The following DNAH8 variants were observed in gnomAD, a reference collection of about 807,000 sequenced individuals.
DNAH8 encodes axonemal beta dynein heavy chain 8.
Under a neutral mutation model 562.1 loss-of-function variants are expected in DNAH8, and 382 were observed. That is an observed-to-expected ratio of 0.68 (90% CI 0.63 to 0.74). DNAH8 has a LOEUF of 0.74. Ranked by LOEUF, DNAH8 falls within the 30% of genes least tolerant of loss-of-function variation. The probability of loss-of-function intolerance (pLI) is 0.00; values close to 1 mark genes in which losing one functional copy is unlikely to be tolerated. For missense variants in DNAH8, 5,203 were observed against 5,620.4 expected (o/e 0.93, Z 2.37); for synonymous variants, 1,881 against 1,919.4 (o/e 0.98, Z 0.52).
chr6:38,759,310 A>AAAACAAACAAAC (rs77729842), intron 10 of DNAH8, among the ~76,000 whole-genome samples: 6 of 151,038 alleles, frequency 4.0e-5, no homozygotes, highest in African/African-American at 1.5e-4. Context: ...CCTGTCTCAA[A>AAAACAAACAAAC]AAACAAACAA....
chr6:38,907,915 A>G (rs1405174871), intron 63 of DNAH8, 41 bp from the exon 64 acceptor site: 1 of 1,439,586 alleles, frequency 6.9e-7, no homozygotes, highest in Non-Finnish European at 9.2e-7. Context: ...ACTGTGGAGA[A>G]CTCTTAAAAC....
At position 39,012,225 on chromosome 6, in the gene DNAH8, G is replaced by T. The variant is rs148106120; in HGVS notation, c.13382G>T (p.Arg4461Leu). The T allele has an allele frequency of 6.2e-7, 1 of 1,604,164 alleles. No individual in the cohort carries two copies. Among genetic ancestry groups the T allele is most frequent in the East Asian group, 2.2e-5 (1 of 44,734 alleles). The change falls in exon 90 of 93, where the codon CGT becomes CTT. Residue 4461 changes from arginine to leucine, a missense_variant. Around this residue, in one of 6 missense-constraint regions of DNAH8, gnomAD observed 1,399 missense variants for 1,518.4 expected, o/e 0.92. Coordinates refer to ENST00000327475, the MANE Select transcript of DNAH8 (RefSeq NM_001206927.2). ...PDYIPHEVKS[R>L]LIKMGHLNSM... ...TTTACTTTGTTTTAGGTGAAATCTC[G>T]TTTGATAAAGATGGGCCATCTTAAT...
intron 64 of DNAH8, among the ~76,000 whole-genome samples, chr6:38,909,101 A>C (rs1042734646): frequency 6.6e-6 from 1 of 152,166 alleles, no homozygotes; most frequent in Non-Finnish European, 1.5e-5. Flanking sequence ...CAAGGAACTC[A>C]ATCCCTCTTC....
At position 38,982,353 on chromosome 6, in the gene DNAH8, G is replaced by A. The variant is rs1327466194; in HGVS notation, c.12842G>A (p.Arg4281Gln). 18 of 1,579,292 alleles carry A rather than the reference G, an allele frequency of 1.1e-5. No individual in the cohort carries two copies. The highest frequency in any genetic ancestry group is 2.7e-5 in the African/African-American group (2 of 74,252). ...TTCTTTGGTGTTTTTAAGGAGCGAC[G>A]AAAATTTGGCCCCTTAGGATGGAAT... The part of the protein sequence containing the change: ...AFLHSTVQER[R>Q]KFGPLGWNIP... Residue 4281 changes from arginine (R) to glutamine (Q), a missense_variant, in exon 86 of 93, where the codon CGA (arginine) becomes CAA (glutamine). Arg to Gln is a conservative substitution (Grantham distance 43). Around this residue, in one of 6 missense-constraint regions of DNAH8, gnomAD observed 1,399 missense variants for 1,518.4 expected, o/e 0.92. Coordinates refer to ENST00000327475, the MANE Select transcript of DNAH8 (RefSeq NM_001206927.2).
intron 91 of DNAH8, among the ~76,000 whole-genome samples, chr6:39,016,322 C>T (rs1329419131): frequency 6.6e-5 from 10 of 151,976 alleles, no homozygotes; most frequent in South Asian, 4.1e-4. Flanking sequence ...GAGGCCGAGG[C>T]GGGCGGATCA....
At chr6:38,900,391 A>G (rs906208510) in intron 62 of DNAH8, among the ~76,000 whole-genome samples, 2 of 152,188 alleles carry the variant, frequency 1.3e-5, no homozygotes, top group African/African-American at 4.8e-5. Flanking sequence ...CTCTTGATAA[A>G]CATTTGGTTT....
chr6:39,000,797 T>G (rs1299333355), intron 88 of DNAH8, among the ~76,000 whole-genome samples: 2 of 152,148 alleles, frequency 1.3e-5, no homozygotes. Flanking sequence ...CCGCCTCCCC[T>G]CCAGTCTATG....
intron 87 of DNAH8, among the ~76,000 whole-genome samples, chr6:38,986,885 G>A (rs1764434900): frequency 6.6e-6 from 1 of 152,228 alleles, no homozygotes; most frequent in Non-Finnish European, 1.5e-5. Context: ...TATAACATTT[G>A]AGATGTCTAT....
chr6:38,805,179 A>T (rs370881747), intron 22 of DNAH8, among the ~76,000 whole-genome samples: 8 of 152,244 alleles, frequency 5.3e-5, no homozygotes, highest in Admixed American at 2.0e-4. Context: ...TGGAAAACTC[A>T]AAAGATAGAC....
rs759325051 is a variant in DNAH8, at chr6:38,791,564, T to G, written c.2791T>G (p.Leu931Val). 1 of 1,610,294 alleles carries G rather than the reference T, an allele frequency of 6.2e-7. No homozygotes were observed. Reference protein sequence around the residue: ...FNQLLKKISDLCEMHIDTVLK... With the variant: ...FNQLLKKISDVCEMHIDTVLK... Reference sequence around the variant, plus strand: ...TTTTTCTTCCTTGTAGATCAGTGACTTGTGTGAAATGCATATTGATACAGT... The same window carrying G: ...TTTTTCTTCCTTGTAGATCAGTGACGTGTGTGAAATGCATATTGATACAGT... Residue 931 changes from leucine to valine, a missense_variant, in exon 21 of 93, where the codon TTG (leucine) becomes GTG (valine). Coordinates refer to ENST00000327475, the MANE Select transcript of DNAH8 (RefSeq NM_001206927.2).
chr6:38,822,855 A>C lies in DNAH8; in HGVS notation c.3541A>C (p.Ile1181Leu). The C allele has an allele frequency of 6.3e-7, 1 of 1,597,150 alleles. No homozygotes were observed. Among genetic ancestry groups the C allele is most frequent in the South Asian group, 1.1e-5 (1 of 87,180 alleles). The change falls in exon 27 of 93, where the codon ATT (isoleucine) becomes CTT (leucine). Residue 1181 changes from isoleucine (I) to leucine (L), a missense_variant. This residue lies in a region of DNAH8 where 2,176 missense variants were observed against 2,365.1 expected (regional missense o/e 0.92). Transcript: ENST00000327475. ...GTTTTCAGGATCTTTTGAAGAAGCT[A>C]TTCCTGCGAGGAAGCTGAAGAATTT... ...KKEERSFEEA[I>L]PARKLKNFYP...
chr6:38,932,046 G>T, intron 76 of DNAH8, 53 bp downstream of exon 76: 1 of 1,303,704 alleles, frequency 7.7e-7, no homozygotes, highest in Non-Finnish European at 1.0e-6. Context: ...TGCTTAAAAT[G>T]TATTGAGAAA....
At chr6:38,955,314 G>A (rs1014388931) in intron 82 of DNAH8, among the ~76,000 whole-genome samples, 4 of 151,448 alleles carry the variant, frequency 2.6e-5, no homozygotes, top group African/African-American at 9.7e-5. Context: ...ACAGTAAACC[G>A]ACCCAGATAG....
chr6:38,921,583 G>T, intron 71 of DNAH8, 77 bp downstream of exon 71: 1 of 1,467,052 alleles, frequency 6.8e-7, no homozygotes. Flanking sequence ...TGGAAATCAG[G>T]CAAATGGTTG....
intron 82 of DNAH8, among the ~76,000 whole-genome samples, chr6:38,967,586 G>T (rs1186640528): frequency 6.6e-6 from 1 of 151,972 alleles, no homozygotes; most frequent in Non-Finnish European, 1.5e-5. Flanking sequence ...AGAAGTGGAA[G>T]ATTTGTACAT....
intron 17 of DNAH8, 37 bp downstream of exon 17, chr6:38,783,176 A>G (rs1768815215): frequency 1.9e-6 from 3 of 1,600,766 alleles, no homozygotes; most frequent in South Asian, 2.2e-5. Flanking sequence ...CAAAGTAGGG[A>G]TTAGGTGATT....
At position 38,914,359 on chromosome 6, in the gene DNAH8, A is replaced by G. The variant is rs369281930; in HGVS notation, c.9963+407A>G. On this transcript the variant is annotated intron_variant, in intron 67 of 92. Transcript: ENST00000327475. ...AGAGGAAAAATCCATACTCCTCTCA[A>G]GGAGATAGGTATATATGTGTGCTGC... is the stretch of plus-strand genomic sequence containing the variant. 2.7e-3 allele frequency among the ~76,000 whole-genome samples: 408 copies of G among 150,082 alleles called. 2 individuals carry two copies. Among genetic ancestry groups the G allele is most frequent in the African/African-American group, 9.4e-3 (384 of 40,886 alleles).
intron 11 of DNAH8, among the ~76,000 whole-genome samples, chr6:38,762,490 A>G (rs1766614760): frequency 6.6e-6 from 1 of 152,100 alleles, no homozygotes; most frequent in African/African-American, 2.4e-5. Context: ...TTTGTTTAGG[A>G]TTTTTGGAAG....
intron 30 of DNAH8, among the ~76,000 whole-genome samples, chr6:38,829,611 G>A (rs962801554): frequency 6.6e-6 from 1 of 152,172 alleles, no homozygotes; most frequent in Non-Finnish European, 1.5e-5. Flanking sequence ...CCAACAAATT[G>A]TCTTGGTAGC....
Sources: allele counts gnomAD v4.1 joint callset (sites outside exome capture counted in the v4.1 genomes callset), GRCh38; gene constraint gnomAD v4.1.1; regional missense constraint gnomAD v4.1.1; transcripts MANE v1.5; gene names NCBI Gene and HGNC (gene_info 2026-07-23, HGNC 2026-07-21).